SLC30A7: variants seen among roughly 807,000 people sequenced by gnomAD.
The protein encoded by SLC30A7 is solute carrier family 30 member 7.
In SLC30A7, 35 loss-of-function variants were observed where a neutral mutation model predicts 46.0. The ratio of observed to expected loss-of-function variants is 0.76; its 90% CI spans 0.58 to 1.01. SLC30A7 has a LOEUF of 1.01. SLC30A7 is among the 50% of genes least tolerant of loss of function. The pLI, the probability that SLC30A7 is intolerant of heterozygous loss-of-function variation, is 0.00. For synonymous variants in SLC30A7, 147 were observed against 157.8 expected (o/e 0.93, Z 0.51); for missense variants, 464 against 451.1 (o/e 1.03, Z -0.26).
intron 10 of SLC30A7, 110 bp from the exon 11 acceptor site, chr1:100,974,700 T>C (rs1656356927): frequency 6.7e-6 from 5 of 746,292 alleles, no homozygotes; most frequent in South Asian, 3.3e-5. Context: ...ATGATTCTTT[T>C]CTTTTTTTAA....
intron 7 of SLC30A7, among the ~76,000 whole-genome samples, chr1:100,920,337 T>A (rs1652862344): frequency 6.6e-6 from 1 of 152,004 alleles, no homozygotes; most frequent in African/African-American, 2.4e-5. Flanking sequence ...TTTTAAAAGT[T>A]AAAGTGGCCC....
intron 1 of SLC30A7, 113 bp downstream of exon 1, chr1:100,896,455 C>G: frequency 1.4e-6 from 2 of 1,438,646 alleles, no homozygotes; most frequent in Non-Finnish European, 2.0e-6. Flanking sequence ...CCGTCAACCC[C>G]TAGCTGTGAA....
intron 8 of SLC30A7, among the ~76,000 whole-genome samples, chr1:100,938,869 G>A (rs1654146676): frequency 1.3e-5 from 2 of 152,142 alleles, no homozygotes; most frequent in Non-Finnish European, 2.9e-5. Flanking sequence ...ATTTTAGATA[G>A]AAGGGGTACA....
downstream of SLC30A7, among the ~76,000 whole-genome samples, chr1:100,983,536 T>C (rs80117585): frequency 6.6e-6 from 1 of 152,330 alleles, no homozygotes; most frequent in African/African-American, 2.4e-5. Flanking sequence ...GCAATCAGTT[T>C]ATTGAAGAAA....
intron 8 of SLC30A7, chr1:100,941,670 C>CT (rs1169954153): frequency 3.2e-6 from 2 of 629,386 alleles, no homozygotes; most frequent in South Asian, 2.7e-5. Flanking sequence ...GCACTGGTCT[C>CT]TGAGAGTCTT....
At chr1:100,915,232 T>C (rs1045183422) in intron 6 of SLC30A7, among the ~76,000 whole-genome samples, 3 of 148,852 alleles carry the variant, frequency 2.0e-5, no homozygotes. Context: ...TTTCTTTCTT[T>C]CTTTCTTTCT....
rs1324420594 is a variant in SLC30A7 at position 100,911,115 on chromosome 1, T to G, written c.349T>G (p.Phe117Val). Residue 117 changes from phenylalanine to valine, a missense_variant, in exon 4 of 11, where the codon TTC (phenylalanine) becomes GTC (valine). Transcript: ENST00000357650. ...CTTTGTCAATGGCCTATTTTTGATC[T>G]TCACTGCTTTTTTTATTTTCTCAGA... ...AGFVNGLFLIFTAFFIFSEGV... is the reference protein window; with the variant it reads ...AGFVNGLFLIVTAFFIFSEGV... The G allele has an allele frequency of 1.2e-6, 2 of 1,611,570 alleles. No individual in the cohort carries two copies. The highest frequency in any genetic ancestry group is 1.7e-6 in the Non-Finnish European group (2 of 1,178,594).
chr1:100,982,740 G>C (rs1411281027), downstream of SLC30A7, among the ~76,000 whole-genome samples: 4 of 152,160 alleles, frequency 2.6e-5, no homozygotes, highest in African/African-American at 4.8e-5. Flanking sequence ...TGGAGTACAA[G>C]GAATTTTTGT....
Position 100,916,704 on chromosome 1 carries a change from CTTTTTTTT to C in SLC30A7, c.656-1358_656-1351del, listed in dbSNP as rs33980397. Among the ~76,000 whole-genome samples the C allele has an allele frequency of 9.7e-5, 9 of 92,334 alleles. No individual in the cohort carries two copies. The South Asian group carries it at 3.1e-3, about 32-fold the overall frequency. The allele number at this position is 92,334 out of a possible 152,430, so 60.6% of individuals were successfully genotyped here. A position where few individuals can be genotyped will look rare whatever the true frequency, so the allele number is the denominator to read the frequency against. ...AAATAGTAAATCTTATTCATTCATT[CTTTTTTTT>C]TTTTTTTTTTTTTTGTACCCATTAA... On this transcript the variant is annotated intron_variant, in intron 6 of 10. Coordinates refer to ENST00000357650, the MANE Select transcript of SLC30A7 (RefSeq NM_133496.5).
intron 2 of SLC30A7, among the ~76,000 whole-genome samples, chr1:100,902,344 T>G (rs1417607277): frequency 2.0e-5 from 3 of 152,214 alleles, no homozygotes; most frequent in Non-Finnish European, 2.9e-5. Context: ...CCGTGCTATA[T>G]CCACACCTCT....
chr1:100,931,752 T>C (rs1653677176), intron 8 of SLC30A7, among the ~76,000 whole-genome samples: 2 of 152,324 alleles, frequency 1.3e-5, no homozygotes, highest in South Asian at 4.1e-4. Flanking sequence ...GATTTGTAAA[T>C]TGGAGTTAAA....
At chr1:100,936,774 C>T (rs2101051897) in intron 8 of SLC30A7, among the ~76,000 whole-genome samples, 1 of 152,284 alleles carries the variant, frequency 6.6e-6, no homozygotes, top group East Asian at 1.9e-4. Context: ...CAGCCCCTAG[C>T]AACCACTATT....
chr1:100,922,475 C>T (rs1653011020), intron 8 of SLC30A7, among the ~76,000 whole-genome samples: 1 of 152,162 alleles, frequency 6.6e-6, no homozygotes, highest in African/African-American at 2.4e-5. Context: ...CCTTTGACAT[C>T]TGCATCTTAC....
At chr1:100,896,388 G>T (rs1195289216) in intron 1 of SLC30A7, 46 bp downstream of exon 1, 4 of 1,600,696 alleles carry the variant, frequency 2.5e-6, no homozygotes, top group Non-Finnish European at 3.4e-6. Flanking sequence ...GGCAGAAAGG[G>T]AGAAGGCCCA....
At chr1:100,927,919 T>C (rs1310492163) in intron 8 of SLC30A7, among the ~76,000 whole-genome samples, 2 of 152,058 alleles carry the variant, frequency 1.3e-5, no homozygotes, top group Non-Finnish European at 2.9e-5. Flanking sequence ...ATTAGGGGAA[T>C]TGATCCAGAA....
At chr1:100,994,508 A>G in the SLC30A7 span, among the ~76,000 whole-genome samples, 2 of 151,790 alleles carry the variant, frequency 1.3e-5, no homozygotes, top group Non-Finnish European at 1.5e-5. Context: ...AGAGCACTCA[A>G]CTAGAGGCAG....
chr1:100,902,069 TAGGTC>T (rs1277521884), intron 2 of SLC30A7, among the ~76,000 whole-genome samples: 1 of 152,216 alleles, frequency 6.6e-6, no homozygotes, highest in Non-Finnish European at 1.5e-5. Flanking sequence ...TTACATGTGA[TAGGTC>T]AGCAGAGAGC....
downstream of SLC30A7, among the ~76,000 whole-genome samples, chr1:100,982,242 A>G (rs79497831): frequency 2.0e-5 from 3 of 152,116 alleles, no homozygotes; most frequent in Admixed American, 6.5e-5. Flanking sequence ...ACTATCATCA[A>G]TCTCTGCCAT....
At chr1:100,982,072 C>T (rs78707545), downstream of SLC30A7, among the ~76,000 whole-genome samples, 2,229 of 152,276 alleles carry the variant, frequency 0.015, 27 homozygotes, top group Non-Finnish European at 0.022. Flanking sequence ...TCTTATATGA[C>T]GTGAAGACCA....
Sources: gnomAD v4.1 joint callset for allele counts (sites outside exome capture counted in the v4.1 genomes callset) on GRCh38, gnomAD v4.1.1 for gene constraint, MANE v1.5 for transcripts, NCBI Gene and HGNC (gene_info 2026-07-23, HGNC 2026-07-21) for gene names.